LRP6: variants seen among roughly 807,000 people sequenced by gnomAD.
The protein encoded by LRP6 is LDL receptor related protein 6, also known as low-density lipoprotein receptor-related protein 6.
LRP6 carries 43 observed loss-of-function variants against 184.1 expected under a neutral mutation model. That is an observed-to-expected ratio of 0.23 (90% CI 0.18 to 0.30). The LOEUF is 0.30. Among genes scored for constraint, LRP6 ranks in the 10% least tolerant of loss-of-function variants. The pLI is 1.00. For synonymous variants in LRP6, 719 were observed against 684.9 expected (o/e 1.05, Z -0.78); for missense variants, 1,571 against 2,005.3 (o/e 0.78, Z 4.14).
intron 2 of LRP6, among the ~76,000 whole-genome samples, chr12:12,226,994 A>G (rs892059831): frequency 6.6e-6 from 1 of 152,220 alleles, no homozygotes; most frequent in African/African-American, 2.4e-5. Context: ...ACACCTTGGC[A>G]TATCATATTC....
chr12:12,176,233 A>G (rs2136978372), intron 7 of LRP6, among the ~76,000 whole-genome samples: 1 of 152,368 alleles, frequency 6.6e-6, no homozygotes. Flanking sequence ...AGTACTGTGC[A>G]GACAAGTAAA....
chr12:12,151,164 G>A (rs551628986), intron 12 of LRP6, 126 bp from the exon 13 acceptor site: 72 of 890,972 alleles, frequency 8.1e-5, no homozygotes, highest in South Asian at 6.5e-4. Flanking sequence ...AGCTAAGGCT[G>A]AGGACAAAAT....
intron 2 of LRP6, among the ~76,000 whole-genome samples, chr12:12,225,563 T>G (rs1174954042): frequency 6.6e-6 from 1 of 151,944 alleles, no homozygotes; most frequent in Non-Finnish European, 1.5e-5. Context: ...CTCCAGGAGC[T>G]CTACCAGGTT....
At chr12:12,204,260 A>G (rs571799474) in intron 2 of LRP6, among the ~76,000 whole-genome samples, 1 of 147,488 alleles carries the variant, frequency 6.8e-6, no homozygotes, top group East Asian at 2.0e-4. Flanking sequence ...GTCTTTGACA[A>G]TATCAATGTC....
intron 1 of LRP6, among the ~76,000 whole-genome samples, chr12:12,254,829 G>A (rs79617783): frequency 3.9e-5 from 6 of 152,102 alleles, no homozygotes; most frequent in African/African-American, 1.4e-4. Flanking sequence ...CTTCCCGGCA[G>A]GCTCAAAAAT....
intron 2 of LRP6, among the ~76,000 whole-genome samples, chr12:12,205,829 T>C (rs1270453144): frequency 6.6e-6 from 1 of 152,178 alleles, no homozygotes; most frequent in Admixed American, 6.5e-5. Context: ...CTCCCTAGAT[T>C]GGGGACAACA....
intron 12 of LRP6, among the ~76,000 whole-genome samples, chr12:12,151,710 T>C (rs1950083941): frequency 6.6e-6 from 1 of 152,128 alleles, no homozygotes; most frequent in Non-Finnish European, 1.5e-5. Flanking sequence ...TTAAAAATTA[T>C]TTATAAAAAA....
chr12:12,166,485 T>C lies in LRP6; in HGVS notation c.1546-1190A>G, dbSNP rs566709657. 2.0e-4 allele frequency among the ~76,000 whole-genome samples: 31 copies of C among 152,336 alleles called. No individual in the cohort carries two copies. The South Asian group carries it at 6.4e-3, about 32-fold the overall frequency. On this transcript the variant is annotated intron_variant, in intron 7 of 22. Transcript: ENST00000261349. ...ACAAAAATATTACTTTCTTATAAGT[T>C]TGTGGTATGTTAAAATATGCCTGAT...
intron 15 of LRP6, among the ~76,000 whole-genome samples, chr12:12,142,249 A>G (rs1949944951): frequency 1.3e-5 from 2 of 152,172 alleles, no homozygotes; most frequent in African/African-American, 4.8e-5. Context: ...ACAATAAAGA[A>G]GAATGATTTT....
intron 1 of LRP6, among the ~76,000 whole-genome samples, chr12:12,244,918 T>C (rs1865150088): frequency 6.6e-6 from 1 of 152,218 alleles, no homozygotes; most frequent in Non-Finnish European, 1.5e-5. Context: ...TTTTAAAGCC[T>C]GGCTATACCA....
At chr12:12,256,035 G>A (rs746705933) in intron 1 of LRP6, among the ~76,000 whole-genome samples, 7 of 152,132 alleles carry the variant, frequency 4.6e-5, no homozygotes, top group South Asian at 2.1e-4. Context: ...AGTCCTGCAC[G>A]TAAAATTACT....
At chr12:12,189,976 C>T (rs913942190) in intron 3 of LRP6, among the ~76,000 whole-genome samples, 2 of 152,136 alleles carry the variant, frequency 1.3e-5, no homozygotes, top group African/African-American at 4.8e-5. Flanking sequence ...AAAACTCTAG[C>T]TTATTTATAT....
intron 15 of LRP6, among the ~76,000 whole-genome samples, chr12:12,143,778 G>GA (rs1204151314): frequency 6.6e-6 from 1 of 152,218 alleles, no homozygotes; most frequent in Non-Finnish European, 1.5e-5. Context: ...AAATTTCAGG[G>GA]AAAAAACTAA....
chr12:12,167,096 A>C (rs1463153514), intron 7 of LRP6, among the ~76,000 whole-genome samples: 2 of 152,192 alleles, frequency 1.3e-5, no homozygotes, highest in African/African-American at 4.8e-5. Flanking sequence ...CCTAGGAAAA[A>C]AATCTTTAAA....
In LRP6 at chr12:12,187,025, A is replaced by C; in HGVS notation, c.742T>G (p.Leu248Val). ...TCACCAGTATACTTGTTGCAAGCCA[A>C]AATGGAGTGTGTGCTCCAGTCAGTC... ...YWTDWSTHSI[L>V]ACNKYTGEGL... Residue 248 changes from leucine (L) to valine (V), a missense_variant, in exon 4 of 23, where the codon TTG (leucine) becomes GTG (valine). Transcript: ENST00000261349. The C allele has an allele frequency of 1.9e-6, 3 of 1,614,210 alleles. No individual in the cohort carries two copies. The highest frequency in any genetic ancestry group is 2.5e-6 in the Non-Finnish European group (3 of 1,180,020).
At chr12:12,160,479 T>A (rs1862712814) in intron 10 of LRP6, among the ~76,000 whole-genome samples, 1 of 152,162 alleles carries the variant, frequency 6.6e-6, no homozygotes, top group Admixed American at 6.6e-5. Flanking sequence ...TTAACTGAAG[T>A]CAAAAGCAAA....
chr12:12,235,575 A>C (rs1864910998), intron 2 of LRP6, among the ~76,000 whole-genome samples: 1 of 151,970 alleles, frequency 6.6e-6, no homozygotes, highest in South Asian at 2.1e-4. Context: ...TACTAAAAAA[A>C]CAAAATTAGC....
At position 12,165,184 on chromosome 12, in the gene LRP6, G is replaced by A. The variant is rs751598694; in HGVS notation, c.1657C>T (p.Arg553Cys). Reference sequence around the variant, plus strand: ...CGTTTATGAACTCTTTCAATGCTACGCCTCTGCCAGTCAGTCCAGTAAACA... The same window carrying A: ...CGTTTATGAACTCTTTCAATGCTACACCTCTGCCAGTCAGTCCAGTAAACA... The part of the protein sequence containing the change: ...DYVYWTDWQR[R>C]SIERVHKRSA... Residue 553 changes from arginine to cysteine, a missense_variant, in exon 8 of 23, where the codon CGT becomes TGT. Arg to Cys is a radical substitution (Grantham distance 180). This residue lies in a region of LRP6 where 640 missense variants were observed against 851.9 expected (regional missense o/e 0.75). Coordinates refer to ENST00000261349, the MANE Select transcript of LRP6 (RefSeq NM_002336.3). The A allele has an allele frequency of 3.1e-6, 5 of 1,613,688 alleles. No individual in the cohort carries two copies. The highest frequency in any genetic ancestry group is 1.6e-4 in the Middle Eastern group (1 of 6,084).
intron 1 of LRP6, among the ~76,000 whole-genome samples, chr12:12,251,525 G>A (rs534073915): frequency 2.0e-5 from 3 of 151,680 alleles, no homozygotes; most frequent in South Asian, 2.1e-4. Context: ...CACCACGCAC[G>A]GCTAATTTTT....
Sources: gnomAD v4.1 joint callset for allele counts (sites outside exome capture counted in the v4.1 genomes callset) on GRCh38, gnomAD v4.1.1 for gene constraint, gnomAD v4.1.1 regional missense constraint, MANE v1.5 for transcripts, NCBI Gene and HGNC (gene_info 2026-07-23, HGNC 2026-07-21) for gene names.